TELO2: variants seen among roughly 807,000 people sequenced by gnomAD.
TELO2 encodes telomere length regulation protein TEL2 homolog.
In TELO2, 71 loss-of-function variants were observed where a neutral mutation model predicts 91.0. The observed-to-expected ratio is 0.78, with a 90% CI of 0.64 to 0.95. The LOEUF (loss-of-function observed/expected upper bound fraction) is 0.95. TELO2 is among the 40% of genes least tolerant of loss of function. The pLI is 0.00. For synonymous variants in TELO2, 584 were observed against 518.9 expected, an observed-to-expected ratio of 1.13 and a Z score of -1.71; for missense variants, 1,183 against 1,141.3, an observed-to-expected ratio of 1.04 and a Z score of -0.53.
Position 1,495,615 on chromosome 16 carries a change from C to T in TELO2, c.605C>T (p.Ser202Phe), listed in dbSNP as rs2039459204. ...VVRVLQAVVD[S>F]LQGGLDSSVS... ...CGGGTGCTGCAGGCGGTTGTGGACTCTCTCCAAGGTGAGGCCCTGCCTCGG... is the reference window on the plus strand; with the variant it reads ...CGGGTGCTGCAGGCGGTTGTGGACTTTCTCCAAGGTGAGGCCCTGCCTCGG... The change falls in exon 3 of 21, where the codon TCT becomes TTT. Residue 202 changes from serine to phenylalanine, a missense_variant. Coordinates refer to ENST00000262319, the MANE Select transcript of TELO2 (RefSeq NM_016111.4). 4.4e-6 allele frequency: 7 copies of T among 1,594,424 alleles called. No individual in the cohort carries two copies. Among genetic ancestry groups the T allele is most frequent in the Non-Finnish European group, 6.0e-6 (7 of 1,167,044 alleles).
intron 5 of TELO2, 147 bp from the exon 6 acceptor site, chr16:1,499,084 G>A (rs538467860): frequency 1.5e-5 from 11 of 739,474 alleles, no homozygotes; most frequent in Non-Finnish European, 2.5e-5. Flanking sequence ...CCCAGCTCAG[G>A]CAGTCGGAGG....
rs778812141 is a variant in TELO2 at position 1,502,105 on chromosome 16, G to A, written c.1531G>A (p.Ala511Thr). Residue 511 changes from alanine to threonine, a missense_variant, in exon 12 of 21, where the codon GCT (alanine) becomes ACT (threonine). Transcript: ENST00000262319. ...GGACAGAGAGCTGAAGAGCAGCAAG[G>A]CTCCTGCCTACGTCCGGGACTGCGT... ...SGDRELKSSK[A>T]PAYVRDCVEA... The A allele has an allele frequency of 1.2e-6, 2 of 1,612,984 alleles. No homozygotes were observed. Among genetic ancestry groups the A allele is most frequent in the East Asian group, 2.2e-5 (1 of 44,896 alleles).
rs1211052823 is a variant in TELO2, at chr16:1,495,569, C to G, written c.559C>G (p.Leu187Val). The G allele has an allele frequency of 1.9e-6, 3 of 1,610,544 alleles. No homozygotes were observed. The African/African-American group carries it at 4.0e-5, about 21-fold the overall frequency. Residue 187 changes from leucine (L) to valine (V), a missense_variant, in exon 3 of 21, where the codon CTG becomes GTG. By Grantham distance (32) the Leu-to-Val change is conservative. Coordinates refer to ENST00000262319, the MANE Select transcript of TELO2 (RefSeq NM_016111.4). Reference protein sequence around the residue: ...AEFFPQNYFRLLGEEVVRVLQ... With the variant: ...AEFFPQNYFRVLGEEVVRVLQ... ...GTTCTTCCCCCAGAACTACTTCCGC[C>G]TGCTCGGCGAGGAGGTCGTCCGGGT...
Position 1,500,642 on chromosome 16 carries a change from CG to C in TELO2, c.1225del (p.Val409TrpfsTer16). The C allele has an allele frequency of 6.2e-7, 1 of 1,612,570 alleles. No individual in the cohort carries two copies. On this transcript the variant is annotated frameshift_variant, in exon 9 of 21. Coordinates refer to ENST00000262319, the MANE Select transcript of TELO2 (RefSeq NM_016111.4). LOFTEE classifies it high-confidence loss of function. ...CCCCCGTGCGACGCCTGGGCATGATCGTGGCAGAGGTCGTTAGTGCCCGGAT... is the reference window on the plus strand; with the variant it reads ...CCCCCGTGCGACGCCTGGGCATGATCTGGCAGAGGTCGTTAGTGCCCGGAT... ...LPPVRRLGMI[V>X]AEVVSARIHP...
rs116528933 is a variant in TELO2, at chr16:1,502,117, G to T, written c.1543G>T (p.Val515Phe). 1.3e-3 allele frequency: 2,079 copies of T among 1,612,998 alleles called. 28 individuals are homozygous for T. The African/African-American group carries it at 0.025, about 19-fold the overall frequency. Residue 515 changes from valine (V) to phenylalanine (F), a missense_variant, in exon 12 of 21, where the codon GTC (valine) becomes TTC (phenylalanine). Val to Phe is a conservative substitution (Grantham distance 50, BLOSUM62 -1). Coordinates refer to ENST00000262319, the MANE Select transcript of TELO2 (RefSeq NM_016111.4). ...ELKSSKAPAY[V>F]RDCVEALTTS... ...GAAGAGCAGCAAGGCTCCTGCCTAC[G>T]TCCGGGACTGCGTGGAAGGTGGGCA...
At position 1,497,311 on chromosome 16, in the gene TELO2, A is replaced by C; in HGVS notation, c.683-50A>C. Reference sequence around the variant, plus strand: ...TTGCTGGACCCACACAGCCCCAGACACCAGGTGGGTGCAGCTCCCCAGGCT... The same window carrying C: ...TTGCTGGACCCACACAGCCCCAGACCCCAGGTGGGTGCAGCTCCCCAGGCT... On this transcript the variant is annotated intron_variant, in intron 4 of 20. Coordinates refer to ENST00000262319, the MANE Select transcript of TELO2 (RefSeq NM_016111.4). This position sits in a 1 kb window ranked among gnomAD's most constrained non-coding sequence, Gnocchi z 4.0. The C allele has an allele frequency of 6.6e-7, 1 of 1,509,082 alleles. No individual in the cohort carries two copies. The highest frequency in any genetic ancestry group is 8.9e-7 in the Non-Finnish European group (1 of 1,122,950). The allele number at this position is 1,509,082 out of a possible 1,614,324, so 93.5% of individuals were successfully genotyped here.
intron 3 of TELO2, 91 bp downstream of exon 3, chr16:1,495,714 C>G (rs2039466171): frequency 1.4e-6 from 2 of 1,481,344 alleles, no homozygotes; most frequent in African/African-American, 2.8e-5. Context: ...CCTCTGGAGA[C>G]TTTGGAGTCT....
Position 1,494,564 on chromosome 16 carries a change from C to A in TELO2, c.283C>A (p.Pro95Thr). ...ELWASFFLEG[P>T]ADQAFLVLME... is the part of the protein sequence containing the mutation. ...GTGGGCCAGCTTCTTCCTGGAGGGC[C>A]CGGCGGACCAAGCCTTCCTGGTGTT... is the stretch of plus-strand genomic sequence containing the variant. The change falls in exon 2 of 21, where the codon CCG (proline) becomes ACG (threonine). Residue 95 changes from proline to threonine, a missense_variant. Coordinates refer to ENST00000262319, the MANE Select transcript of TELO2 (RefSeq NM_016111.4). This position sits in a 1 kb window ranked among gnomAD's most constrained non-coding sequence, Gnocchi z 5.6. 1.2e-6 allele frequency: 2 copies of A among 1,613,510 alleles called. No individual in the cohort carries two copies. The highest frequency in any genetic ancestry group is 1.7e-6 in the Non-Finnish European group (2 of 1,179,950).
At chr16:1,495,299 C>T (rs1296029565) in intron 2 of TELO2, 47 bp from the exon 3 acceptor site, 12 of 1,495,388 alleles carry the variant, frequency 8.0e-6, no homozygotes, top group Non-Finnish European at 1.1e-5. Context: ...GAAGGGGGCC[C>T]CGAGGATGGG....
chr16:1,508,951 C>A (rs1359284919), intron 20 of TELO2, among the ~76,000 whole-genome samples: 3 of 152,116 alleles, frequency 2.0e-5, no homozygotes, highest in Non-Finnish European at 2.9e-5. Context: ...GGGGTGAGGC[C>A]CCCCAGACAC....
chr16:1,502,824 G>A, intron 14 of TELO2, 63 bp downstream of exon 14: 1 of 1,602,498 alleles, frequency 6.2e-7, no homozygotes, highest in South Asian at 1.1e-5. Flanking sequence ...GGGAGCTGCG[G>A]TGCCTGAGTC....
At chr16:1,507,204 G>A (rs1355960218) in intron 18 of TELO2, 102 bp from the exon 19 acceptor site, 3 of 1,527,870 alleles carry the variant, frequency 2.0e-6, no homozygotes, top group East Asian at 2.3e-5. Flanking sequence ...CTGTCAGGCA[G>A]GCCCTGTCCC....
intron 15 of TELO2, among the ~76,000 whole-genome samples, chr16:1,504,804 G>A (rs530154483): frequency 1.3e-4 from 20 of 152,064 alleles, no homozygotes; most frequent in South Asian, 6.2e-4. Flanking sequence ...TGATCCGCCC[G>A]CCTCAGCCGT....
intron 13 of TELO2, 59 bp from the exon 14 acceptor site, chr16:1,502,586 T>C: frequency 6.3e-7 from 1 of 1,577,256 alleles, no homozygotes; most frequent in Non-Finnish European, 8.6e-7. Context: ...TGAGCCTCGG[T>C]GAGGCCTCGG....
At chr16:1,507,850 GT>G (rs762957299) in intron 20 of TELO2, 134 bp downstream of exon 20, 1,038 of 18,736 alleles carry the variant, frequency 0.055, 54 homozygotes, top group Middle Eastern at 0.058. Flanking sequence ...TTGGCCCGGG[GT>G]GTGTGTGTGT....
chr16:1,496,926 G>A (rs902836557), intron 3 of TELO2, 110 bp from the exon 4 acceptor site: 2 of 1,094,100 alleles, frequency 1.8e-6, no homozygotes, highest in Non-Finnish European at 1.3e-6. Flanking sequence ...TTTTGAGTGA[G>A]TTTTGCTGTC....
intron 15 of TELO2, 34 bp downstream of exon 15, chr16:1,503,036 T>C: frequency 6.2e-7 from 1 of 1,605,062 alleles, no homozygotes; most frequent in Non-Finnish European, 8.5e-7. Context: ...CCCCCTGGTC[T>C]GGCCCAAGCT....
chr16:1,510,125 G>A lies in TELO2; in HGVS notation c.*189G>A, dbSNP rs2040084570. The stretch of plus-strand genomic sequence containing the variant: ...GCAGCCAGTCCGCTAAAAATACACT[G>A]GGCCTGGGCACTGCCCGCCGGGACA... On this transcript the variant is annotated 3_prime_UTR_variant, in exon 21 of 21. Transcript: ENST00000262319. The A allele has an allele frequency of 1.8e-5, 11 of 595,252 alleles. No individual in the cohort carries two copies. Among genetic ancestry groups the A allele is most frequent in the Non-Finnish European group, 3.3e-5 (11 of 337,164 alleles). 36.9% of individuals were successfully genotyped at this position (595,252 alleles called of 1,614,324 possible).
At chr16:1,495,301 G>A in intron 2 of TELO2, 45 bp from the exon 3 acceptor site, 2 of 1,496,586 alleles carry the variant, frequency 1.3e-6, no homozygotes, top group Non-Finnish European at 1.8e-6. Context: ...AGGGGGCCCC[G>A]AGGATGGGGG....
Sources: allele counts gnomAD v4.1 joint callset (sites outside exome capture counted in the v4.1 genomes callset), GRCh38; gene constraint gnomAD v4.1.1; non-coding constraint Gnocchi (gnomAD v3.1); transcripts MANE v1.5; gene names NCBI Gene and HGNC (gene_info 2026-07-23, HGNC 2026-07-21).